SIL1: variants seen among roughly 807,000 people sequenced by gnomAD.
The protein encoded by SIL1 is nucleotide exchange factor SIL1.
Under a neutral mutation model 49.1 loss-of-function variants are expected in SIL1, and 40 were observed. The ratio of observed to expected loss-of-function variants is 0.81; its 90% CI spans 0.63 to 1.06. The LOEUF is 1.06. SIL1 is among the 50% of genes least tolerant of loss of function. The pLI is 0.00. For synonymous variants in SIL1, 253 were observed against 250.8 expected (o/e 1.01, Z -0.08); for missense variants, 500 against 572.6 (o/e 0.87, Z 1.29).
At chr5:139,030,688 A>T (rs1768769613) in intron 5 of SIL1, among the ~76,000 whole-genome samples, 1 of 151,848 alleles carries the variant, frequency 6.6e-6, no homozygotes, top group Admixed American at 6.6e-5. Flanking sequence ...TTTTTTGTAG[A>T]AAACATAGAC....
chr5:139,169,905 C>A (rs970536255), intron 1 of SIL1, among the ~76,000 whole-genome samples: 2 of 152,204 alleles, frequency 1.3e-5, no homozygotes, highest in African/African-American at 4.8e-5. Flanking sequence ...CACAGTCTCC[C>A]TCTGATGCCG....
rs779193679 is a variant in SIL1 at position 138,976,034 on chromosome 5, C to A, written c.768-24150G>T. On this transcript the variant is annotated intron_variant, in intron 7 of 9. Coordinates refer to ENST00000394817, the MANE Select transcript of SIL1 (RefSeq NM_022464.5). ...CACAGCATTGTTTCCAGAAGTGTGA[C>A]GTATCCATAGAAGAACCAAACCTGG... Among the ~76,000 whole-genome samples the A allele has an allele frequency of 2.0e-5, 3 of 152,224 alleles. No individual in the cohort carries two copies. The East Asian group carries it at 5.8e-4, about 29-fold the overall frequency.
intron 1 of SIL1, among the ~76,000 whole-genome samples, chr5:139,171,114 C>T (rs1425858159): frequency 7.3e-5 from 11 of 150,510 alleles, no homozygotes; most frequent in Admixed American, 2.6e-4. Flanking sequence ...CCGCCCCGTC[C>T]GGGAGGTGAG....
chr5:139,068,795 A>C (rs1248141554), intron 3 of SIL1, among the ~76,000 whole-genome samples: 3 of 152,188 alleles, frequency 2.0e-5, no homozygotes, highest in Non-Finnish European at 4.4e-5. Context: ...AATCCTATAC[A>C]ATAAAATTAT....
At position 139,147,259 on chromosome 5, in the gene SIL1, G is replaced by A. The variant is rs564939538; in HGVS notation, c.-10-19406C>T. On this transcript the variant is annotated intron_variant, in intron 1 of 9. Coordinates refer to ENST00000394817, the MANE Select transcript of SIL1 (RefSeq NM_022464.5). ...CTCCAAAGAGGTATCTAATCTGTCT[G>A]TGGACAACTCAGTTTGTCTGCAGAT... Among the ~76,000 whole-genome samples the A allele has an allele frequency of 3.9e-5, 6 of 152,218 alleles. No individual in the cohort carries two copies. In the East Asian group the frequency reaches 9.6e-4, roughly 24 times the overall value.
At chr5:139,111,973 C>T (rs370368846) in intron 3 of SIL1, among the ~76,000 whole-genome samples, 1,842 of 152,322 alleles carry the variant, frequency 0.012, 35 homozygotes, top group African/African-American at 0.041. Flanking sequence ...GCCTGCCGAG[C>T]GCCTGCGATT....
rs1444140112 is a variant in SIL1, at chr5:139,132,525, AAG to A, written c.-10-4674_-10-4673del. On this transcript the variant is annotated intron_variant, in intron 1 of 9. Transcript: ENST00000394817. ...ACAGGGAGAGAGAATGAGAGAGAGA[AAG>A]AGAGGACAAGAACATGGAGCTGAGG... Among the ~76,000 whole-genome samples, 6 of 152,222 alleles carry A rather than the reference AAG, an allele frequency of 3.9e-5. No homozygotes were observed. The East Asian group carries it at 1.2e-3, about 29-fold the overall frequency.
At chr5:139,095,479 C>A (rs1770438636) in intron 3 of SIL1, among the ~76,000 whole-genome samples, 1 of 152,142 alleles carries the variant, frequency 6.6e-6, no homozygotes, top group Non-Finnish European at 1.5e-5. Context: ...CCACGCTGGT[C>A]TTGAACTCCT....
intron 7 of SIL1, among the ~76,000 whole-genome samples, chr5:138,969,525 G>C (rs79020356): frequency 0.018 from 2,742 of 152,202 alleles, 83 homozygotes; most frequent in African/African-American, 0.063. Flanking sequence ...AATACTCCAC[G>C]CTCCACCAAC....
At chr5:138,976,802 A>C (rs980363997) in intron 7 of SIL1, among the ~76,000 whole-genome samples, 1 of 152,194 alleles carries the variant, frequency 6.6e-6, no homozygotes, top group African/African-American at 2.4e-5. Flanking sequence ...TACACTGAGA[A>C]TGTATTACTT....
intron 7 of SIL1, among the ~76,000 whole-genome samples, chr5:139,016,350 A>G (rs1181872581): frequency 6.6e-6 from 1 of 152,174 alleles, no homozygotes; most frequent in Non-Finnish European, 1.5e-5. Context: ...CTTGAGTTTG[A>G]GGTGCGATGA....
intron 7 of SIL1, among the ~76,000 whole-genome samples, chr5:138,992,315 A>G (rs947941547): frequency 6.6e-6 from 1 of 152,232 alleles, no homozygotes; most frequent in African/African-American, 2.4e-5. Flanking sequence ...TCTTCAAACT[A>G]TAGAAAGAAC....
At chr5:139,143,330 C>CATAT (rs1213045532) in intron 1 of SIL1, among the ~76,000 whole-genome samples, 9 of 95,930 alleles carry the variant, frequency 9.4e-5, no homozygotes, top group African/African-American at 3.4e-4. Flanking sequence ...CACACACACA[C>CATAT]ACACACACAC....
At chr5:139,195,750 T>C (rs548617704) in intron 1 of SIL1, among the ~76,000 whole-genome samples, 104 of 152,342 alleles carry the variant, frequency 6.8e-4, no homozygotes, top group African/African-American at 2.2e-3. Flanking sequence ...TCCAAGGTTA[T>C]GTGGCTAATA....
intron 3 of SIL1, among the ~76,000 whole-genome samples, chr5:139,105,620 G>A (rs1361442298): frequency 6.6e-6 from 1 of 152,220 alleles, no homozygotes; most frequent in African/African-American, 2.4e-5. Flanking sequence ...AATGGGCTGT[G>A]CATAATGCAT....
intron 3 of SIL1, among the ~76,000 whole-genome samples, chr5:139,120,532 A>C (rs1448001410): frequency 6.6e-6 from 1 of 152,178 alleles, no homozygotes; most frequent in African/African-American, 2.4e-5. Context: ...GCCCAGGCTC[A>C]TGAAAGGGTT....
chr5:139,030,850 C>G (rs7703288), intron 5 of SIL1, among the ~76,000 whole-genome samples: 71,158 of 151,898 alleles, frequency 0.47, 19,021 homozygotes, highest in African/African-American at 0.75. Flanking sequence ...ATAAATATTA[C>G]TATTGCTTTT....
chr5:138,949,163 C>A (rs538652516), intron 9 of SIL1, among the ~76,000 whole-genome samples: 38 of 152,260 alleles, frequency 2.5e-4, no homozygotes, highest in South Asian at 1.7e-3. Context: ...GCAGCACAGG[C>A]AGGCAGGGTC....
intron 7 of SIL1, among the ~76,000 whole-genome samples, chr5:138,957,358 T>A (rs964573431): frequency 6.8e-6 from 1 of 147,934 alleles, no homozygotes; most frequent in Non-Finnish European, 1.5e-5. Context: ...ACTGCTTGAG[T>A]CCAGGAGTTT....
Sources: allele counts gnomAD v4.1 joint callset (sites outside exome capture counted in the v4.1 genomes callset), GRCh38; gene constraint gnomAD v4.1.1; transcripts MANE v1.5; gene names NCBI Gene and HGNC (gene_info 2026-07-23, HGNC 2026-07-21).